The following SEMA6A variants were observed in gnomAD, a reference collection of about 807,000 sequenced individuals.
SEMA6A encodes the protein semaphorin 6A.
In SEMA6A, 25 loss-of-function variants were observed where a neutral mutation model predicts 96.8. The ratio of observed to expected loss-of-function variants is 0.26; its 90% CI spans 0.19 to 0.36. SEMA6A has a LOEUF of 0.36. Among genes scored for constraint, SEMA6A ranks in the 10% least tolerant of loss-of-function variants. SEMA6A has a pLI of 1.00. For missense variants in SEMA6A, 1,363 were observed against 1,323.1 expected (o/e 1.03, Z -0.47); for synonymous variants, 612 against 518.0 (o/e 1.18, Z -2.46).
chr5:116,529,814 G>A (rs866984516), intron 1 of SEMA6A, among the ~76,000 whole-genome samples: 2 of 152,216 alleles, frequency 1.3e-5, no homozygotes, highest in Middle Eastern at 3.4e-3. Flanking sequence ...CACAAAGATG[G>A]AAACAATAAA....
intron 1 of SEMA6A, among the ~76,000 whole-genome samples, chr5:116,571,243 C>T (rs998115370): frequency 1.3e-5 from 2 of 152,136 alleles, no homozygotes; most frequent in Non-Finnish European, 2.9e-5. Context: ...AAATTTTTAC[C>T]TATTTAAGCT....
intron 1 of SEMA6A, among the ~76,000 whole-genome samples, chr5:116,538,556 C>T (rs1759826054): frequency 1.3e-5 from 2 of 152,048 alleles, no homozygotes; most frequent in Non-Finnish European, 2.9e-5. Flanking sequence ...TCTTGAAGAT[C>T]GTTCTGCTCA....
chr5:116,459,076 C>G (rs1297493180), intron 18 of SEMA6A, among the ~76,000 whole-genome samples: 3 of 152,066 alleles, frequency 2.0e-5, no homozygotes, highest in African/African-American at 7.2e-5. Context: ...CAGTGGCATC[C>G]TGGATTATAT....
In SEMA6A at chr5:116,444,971, G is replaced by C. The variant is rs1213143815; in HGVS notation, c.*1642C>G. ...ATATCACCGTATTGAAATAATCTAA[G>C]GGAAGCAGGGAGCTCTTGAGGATGA... is the stretch of plus-strand genomic sequence containing the variant. On this transcript the variant is annotated 3_prime_UTR_variant, in exon 19 of 19. Coordinates refer to ENST00000343348, the MANE Select transcript of SEMA6A (RefSeq NM_020796.5). 2 of 152,682 alleles carry C rather than the reference G, an allele frequency of 1.3e-5. No individual in the cohort carries two copies. Among genetic ancestry groups the C allele is most frequent in the Non-Finnish European group, 1.5e-5 (1 of 68,058 alleles). The allele number at this position is 152,682 out of a possible 1,614,324, so 9.5% of individuals were successfully genotyped here.
Position 116,446,908 on chromosome 5 carries a change from G to A in SEMA6A, c.2798C>T (p.Thr933Ile), listed in dbSNP as rs779879051. Residue 933 changes from threonine (T) to isoleucine (I), a missense_variant, in exon 19 of 19, where the codon ACT becomes ATT. Physicochemically the swap from Thr to Ile is moderately conservative, Grantham distance 89. Around this residue, in one of 2 missense-constraint regions of SEMA6A, gnomAD observed 883 missense variants for 763.6 expected, o/e 1.16. Transcript: ENST00000343348. ...NSLTRSHQAT[T>I]LKRNNTNSSN... The stretch of plus-strand genomic sequence containing the variant: ...GGAGTTAGTGTTGTTTCTTTTGAGA[G>A]TGGTGGCCTGGTGGCTTCTCGTGAG... 6.2e-7 allele frequency: 1 copy of A among 1,614,014 alleles called. No individual in the cohort carries two copies. Among genetic ancestry groups the A allele is most frequent in the Admixed American group, 1.7e-5 (1 of 60,028 alleles).
rs370824482 is a variant in SEMA6A at position 116,461,948 on chromosome 5, C to T, written c.1894+5635G>A. Among the ~76,000 whole-genome samples the T allele has an allele frequency of 2.3e-4, 35 of 152,092 alleles. 1 individual carries two copies. In the East Asian group the frequency reaches 5.8e-3, roughly 25 times the overall value. ...ACACCTCAGAAAATGTTTTTGTTAA[C>T]GGTAATATTACTGAAGAAATGGCAG... On this transcript the variant is annotated intron_variant, in intron 18 of 18. Transcript: ENST00000343348.
chr5:116,564,172 A>G (rs1484991096), intron 1 of SEMA6A, among the ~76,000 whole-genome samples: 1 of 152,222 alleles, frequency 6.6e-6, no homozygotes, highest in African/African-American at 2.4e-5. Flanking sequence ...ATGCTTGTTG[A>G]TCTTACACAA....
At position 116,447,602 on chromosome 5, in the gene SEMA6A, C is replaced by T. The variant is rs781007196; in HGVS notation, c.2104G>A (p.Val702Ile). 4.3e-6 allele frequency: 7 copies of T among 1,613,906 alleles called. No individual in the cohort carries two copies. The highest frequency in any genetic ancestry group is 3.3e-5 in the Admixed American group (2 of 60,000). Residue 702 changes from valine to isoleucine, a missense_variant, in exon 19 of 19, where the codon GTC becomes ATC. Val to Ile is a conservative substitution (Grantham distance 29). Transcript: ENST00000343348. ...CCAAAGAGGCCGCTGAGCTTGGTGA[C>T]GCTGCTCATGGAGCCCCGGCGCGAG... Reference protein sequence around the residue: ...THSRRGSMSSVTKLSGLFGDT... With the variant: ...THSRRGSMSSITKLSGLFGDT...
chr5:116,463,882 A>C (rs778082584), intron 18 of SEMA6A, among the ~76,000 whole-genome samples: 11 of 152,200 alleles, frequency 7.2e-5, no homozygotes, highest in Non-Finnish European at 1.6e-4. Flanking sequence ...GTCAGCATTT[A>C]CATTTTATGT....
At chr5:116,551,990 T>C (rs1352135298) in intron 1 of SEMA6A, among the ~76,000 whole-genome samples, 1 of 152,246 alleles carries the variant, frequency 6.6e-6, no homozygotes, top group African/African-American at 2.4e-5. Context: ...GGATCTTGTC[T>C]GTAGATTCTG....
intron 7 of SEMA6A, 100 bp downstream of exon 7, chr5:116,491,640 A>G (rs922660744): frequency 4.6e-6 from 4 of 863,508 alleles, no homozygotes; most frequent in Non-Finnish European, 7.8e-6. Flanking sequence ...CCAGAGAATC[A>G]AAGCACAACT....
chr5:116,487,020 T>G, intron 9 of SEMA6A, 54 bp from the exon 10 acceptor site: 1 of 1,312,350 alleles, frequency 7.6e-7, no homozygotes, highest in South Asian at 1.2e-5. Flanking sequence ...TGCAAGGAGA[T>G]CTTAGTAGAA....
chr5:116,467,902 TG>T (rs66602558), intron 17 of SEMA6A, 155 bp from the exon 18 acceptor site: 1 of 620,358 alleles, frequency 1.6e-6, no homozygotes, highest in South Asian at 1.9e-5. Flanking sequence ...GTGGTGGTGG[TG>T]GTGGTGGTGG....
At position 116,447,078 on chromosome 5, in the gene SEMA6A, G is replaced by A. The variant is rs768673069; in HGVS notation, c.2628C>T (p.Ser876=). ...HGVNLVENLD[S]LPPKVPQREA... ...CCCGCTGTGGAACTTTGGGGGGCAG[G>A]CTGTCCAGGTTCTCCACAAGGTTCA... Residue 876 remains serine, a synonymous_variant, in exon 19 of 19, where the codon AGC becomes AGT. Transcript: ENST00000343348. The A allele has an allele frequency of 3.1e-6, 5 of 1,613,848 alleles. No homozygotes were observed. Among genetic ancestry groups the A allele is most frequent in the African/African-American group, 1.3e-5 (1 of 74,924 alleles).
chr5:116,460,752 CCAAACTTTCAGAGGTTA>C (rs1316143051), intron 18 of SEMA6A, among the ~76,000 whole-genome samples: 1 of 151,424 alleles, frequency 6.6e-6, no homozygotes, highest in Non-Finnish European at 1.5e-5. Flanking sequence ...TTAAACCCAC[CCAAACTTTCAGAGGTTA>C]AAATTGTTAA....
At chr5:116,524,534 G>A (rs544129188) in intron 1 of SEMA6A, among the ~76,000 whole-genome samples, 90 of 151,924 alleles carry the variant, frequency 5.9e-4, no homozygotes, top group African/African-American at 2.2e-3. Flanking sequence ...CTCATTACAA[G>A]CTCGGGTTGT....
chr5:116,486,323 C>T (rs898961074), intron 10 of SEMA6A, among the ~76,000 whole-genome samples: 2 of 152,160 alleles, frequency 1.3e-5, no homozygotes, highest in African/African-American at 4.8e-5. Flanking sequence ...TATTAGATGA[C>T]CTAGAAGAGA....
Position 116,510,340 on chromosome 5 carries a change from C to T in SEMA6A, c.-38-5358G>A, listed in dbSNP as rs113559910. Reference sequence around the variant, plus strand: ...TTTGTCTGTACAGTGTGACTGCCTCCAAAAGTGAATTGAAATTGATTTAAA... The same window carrying T: ...TTTGTCTGTACAGTGTGACTGCCTCTAAAAGTGAATTGAAATTGATTTAAA... On this transcript the variant is annotated intron_variant, in intron 1 of 18. Transcript: ENST00000343348. Among the ~76,000 whole-genome samples the T allele has an allele frequency of 3.6e-3, 553 of 152,188 alleles. 6 individuals carry two copies. The highest frequency in any genetic ancestry group is 0.013 in the African/African-American group (528 of 41,492).
intron 1 of SEMA6A, among the ~76,000 whole-genome samples, chr5:116,566,053 T>C (rs1035734142): frequency 1.3e-5 from 2 of 152,320 alleles, no homozygotes; most frequent in East Asian, 3.9e-4. Flanking sequence ...AAAACCCTCA[T>C]AGAACATTAA....
Sources: allele counts gnomAD v4.1 joint callset (sites outside exome capture counted in the v4.1 genomes callset), GRCh38; gene constraint gnomAD v4.1.1; regional missense constraint gnomAD v4.1.1; transcripts MANE v1.5; gene names NCBI Gene and HGNC (gene_info 2026-07-23, HGNC 2026-07-21).